The following ZFHX3 variants were observed in gnomAD, a reference collection of about 807,000 sequenced individuals.
The protein encoded by ZFHX3 is zinc finger homeobox 3.
A neutral mutation model predicts 279.1 loss-of-function variants in ZFHX3; 42 were observed. The observed-to-expected ratio is 0.15, with a 90% CI of 0.12 to 0.19. The LOEUF (loss-of-function observed/expected upper bound fraction) is 0.19. ZFHX3 is among the 10% of genes least tolerant of loss of function. The pLI, the probability that ZFHX3 is intolerant of heterozygous loss-of-function variation, is 1.00. For synonymous variants in ZFHX3, 2,293 were observed against 1,957.8 expected (o/e 1.17, Z -4.52); for missense variants, 4,981 against 4,754.0 (o/e 1.05, Z -1.40).
intron 5 of ZFHX3, among the ~76,000 whole-genome samples, chr16:73,147,508 C>T (rs1351688511): frequency 2.0e-5 from 3 of 151,012 alleles, no homozygotes; most frequent in African/African-American, 7.3e-5. Flanking sequence ...CTGGCTAACA[C>T]GGTGAAACCC....
upstream of ZFHX3, chr16:73,060,143 G>C (rs1965661997): frequency 6.8e-6 from 1 of 148,128 alleles, no homozygotes; most frequent in Non-Finnish European, 1.5e-5. Context: ...GAATTCATAA[G>C]AGAGAAAGCC....
intron 2 of ZFHX3, among the ~76,000 whole-genome samples, chr16:73,563,509 A>G (rs993530432): frequency 2.0e-5 from 3 of 151,938 alleles, no homozygotes; most frequent in Admixed American, 2.0e-4. Flanking sequence ...CGCCCGCCTC[A>G]GCCTCCCTGA....
intron 5 of ZFHX3, among the ~76,000 whole-genome samples, chr16:73,175,565 A>C (rs1967645327): frequency 6.6e-6 from 1 of 152,218 alleles, no homozygotes; most frequent in African/African-American, 2.4e-5. Flanking sequence ...GCATTAACAC[A>C]CACAAAACAT....
rs199731982 is a variant in ZFHX3 at position 72,795,528 on chromosome 16, G to A, written c.7154C>T (p.Pro2385Leu). The change falls in exon 9 of 10, where the codon CCG becomes CTG. Residue 2385 changes from proline to leucine, a missense_variant. Coordinates refer to ENST00000268489, the MANE Select transcript of ZFHX3 (RefSeq NM_006885.4). Reference sequence around the variant, plus strand: ...GGCGCTGTAAGCCTGTGAGGGCATCGGGGTACTGCAGGATGAGCTGGTAGG... The same window carrying A: ...GGCGCTGTAAGCCTGTGAGGGCATCAGGGTACTGCAGGATGAGCTGGTAGG... ...LTPTSSSCST[P>L]MPSQAYSAPA... 2.4e-5 allele frequency: 38 copies of A among 1,614,090 alleles called. No individual in the cohort carries two copies. Among genetic ancestry groups the A allele is most frequent in the African/African-American group, 4.0e-5 (3 of 74,998 alleles).
At chr16:73,859,543 G>A (rs976492543) in intron 1 of ZFHX3, among the ~76,000 whole-genome samples, 1 of 152,124 alleles carries the variant, frequency 6.6e-6, no homozygotes. Flanking sequence ...ACTTCTAGAA[G>A]GACTGGAGCA....
chr16:73,512,938 C>T (rs958353925), intron 2 of ZFHX3, among the ~76,000 whole-genome samples: 6 of 152,210 alleles, frequency 3.9e-5, no homozygotes, highest in Non-Finnish European at 8.8e-5. Context: ...GTGTGAAACC[C>T]ATCGGTGGCT....
At chr16:73,168,223 C>CTTTCTTTCTT (rs1567408167) in intron 5 of ZFHX3, among the ~76,000 whole-genome samples, 1 of 129,732 alleles carries the variant, frequency 7.7e-6, no homozygotes, top group Non-Finnish European at 1.6e-5. Flanking sequence ...TTCTTTCTTT[C>CTTTCTTTCTT]TTTCTTTCTT....
chr16:72,834,527 C>T (rs986869944), intron 4 of ZFHX3, among the ~76,000 whole-genome samples: 1 of 152,206 alleles, frequency 6.6e-6, no homozygotes, highest in African/African-American at 2.4e-5. Context: ...GCAAATTGAT[C>T]TCTTAATATA....
chr16:73,333,733 A>G (rs2015851171), intron 3 of ZFHX3, among the ~76,000 whole-genome samples: 1 of 151,480 alleles, frequency 6.6e-6, no homozygotes, highest in Admixed American at 6.6e-5. Context: ...ATCTGCTTCA[A>G]ACAGAAACAC....
chr16:72,967,222 C>T (rs1215584418), intron 1 of ZFHX3, among the ~76,000 whole-genome samples: 1 of 152,176 alleles, frequency 6.6e-6, no homozygotes, highest in African/African-American at 2.4e-5. Context: ...CAAAATGGAA[C>T]TGGGGCTCCT....
chr16:73,042,160 T>C (rs1036271794), intron 1 of ZFHX3, among the ~76,000 whole-genome samples: 2 of 152,188 alleles, frequency 1.3e-5, no homozygotes, highest in African/African-American at 4.8e-5. Flanking sequence ...GGAGACAGAC[T>C]TCCATATTTG....
chr16:73,024,962 C>A (rs1964444136), intron 1 of ZFHX3, among the ~76,000 whole-genome samples: 1 of 152,302 alleles, frequency 6.6e-6, no homozygotes, highest in South Asian at 2.1e-4. Context: ...GCCTTGACTG[C>A]CCCTTAGACA....
chr16:73,057,929 C>T (rs1185337096), intron 1 of ZFHX3, among the ~76,000 whole-genome samples: 1 of 148,244 alleles, frequency 6.7e-6, no homozygotes, highest in Non-Finnish European at 1.5e-5. Flanking sequence ...GTGCGCGCCC[C>T]GCGCGGCTGC....
chr16:73,332,800 C>A (rs2015831592), intron 3 of ZFHX3, among the ~76,000 whole-genome samples: 1 of 152,166 alleles, frequency 6.6e-6, no homozygotes, highest in South Asian at 2.1e-4. Flanking sequence ...TGAACGTACT[C>A]CATGCAACAA....
At chr16:72,980,714 A>C (rs1231258314) in intron 1 of ZFHX3, among the ~76,000 whole-genome samples, 2 of 152,058 alleles carry the variant, frequency 1.3e-5, no homozygotes, top group Non-Finnish European at 2.9e-5. Flanking sequence ...TGATCGCACC[A>C]CTGTACTCTA....
chr16:73,345,630 C>T (rs905680502), intron 3 of ZFHX3, among the ~76,000 whole-genome samples: 4 of 152,028 alleles, frequency 2.6e-5, no homozygotes, highest in Admixed American at 1.3e-4. Context: ...TTTCTTTATC[C>T]GCTTTATCAC....
chr16:73,703,962 C>T (rs905483540), intron 1 of ZFHX3, among the ~76,000 whole-genome samples: 1 of 152,158 alleles, frequency 6.6e-6, no homozygotes, highest in East Asian at 1.9e-4. Context: ...TCTCATCACG[C>T]CCACCTATAC....
chr16:73,441,620 G>A (rs1282873494), intron 3 of ZFHX3, among the ~76,000 whole-genome samples: 3 of 152,092 alleles, frequency 2.0e-5, no homozygotes, highest in Admixed American at 6.5e-5. Context: ...GGAAGTTCAC[G>A]CAAGTCCAGC....
intron 5 of ZFHX3, among the ~76,000 whole-genome samples, chr16:73,229,675 T>C (rs2012711754): frequency 6.6e-6 from 1 of 152,194 alleles, no homozygotes; most frequent in Non-Finnish European, 1.5e-5. Flanking sequence ...CATGCTTTTA[T>C]TCAGTAAGGA....
Sources: allele counts gnomAD v4.1 joint callset (sites outside exome capture counted in the v4.1 genomes callset), GRCh38; gene constraint gnomAD v4.1.1; transcripts MANE v1.5; gene names NCBI Gene and HGNC (gene_info 2026-07-23, HGNC 2026-07-21).